DENND1A: variants seen among roughly 807,000 people sequenced by gnomAD.
DENND1A encodes the protein DENN domain containing 1A.
In DENND1A, 51 loss-of-function variants were observed where a neutral mutation model predicts 113.7. The ratio of observed to expected loss-of-function variants is 0.45; its 90% CI spans 0.36 to 0.57. The LOEUF (loss-of-function observed/expected upper bound fraction) is 0.57, where lower values mean the gene tolerates loss of function less well. Among genes scored for constraint, DENND1A ranks in the 20% least tolerant of loss-of-function variants. DENND1A has a pLI of 0.00. For missense variants in DENND1A, 1,258 were observed against 1,395.9 expected (o/e 0.90, Z 1.57); for synonymous variants, 565 against 570.8 (o/e 0.99, Z 0.14).
chr9:123,472,041 T>A (rs2049467879), intron 13 of DENND1A, among the ~76,000 whole-genome samples: 1 of 152,198 alleles, frequency 6.6e-6, no homozygotes, highest in African/African-American at 2.4e-5. Context: ...AACTACCTAC[T>A]TCCTATTGTG....
intron 12 of DENND1A, among the ~76,000 whole-genome samples, chr9:123,568,490 C>G (rs16926638): frequency 0.024 from 3,649 of 152,254 alleles, 97 homozygotes; most frequent in African/African-American, 0.074. Flanking sequence ...ATTTTAGCAT[C>G]GAAAAGAATC....
At chr9:123,678,998 G>A (rs1032711770) in intron 5 of DENND1A, among the ~76,000 whole-genome samples, 19 of 152,120 alleles carry the variant, frequency 1.2e-4, no homozygotes, top group Admixed American at 1.2e-3. Context: ...CAGATTAGAC[G>A]ACTCAGTAAA....
intron 12 of DENND1A, among the ~76,000 whole-genome samples, chr9:123,572,186 G>A (rs1428701180): frequency 6.6e-6 from 1 of 152,158 alleles, no homozygotes; most frequent in Non-Finnish European, 1.5e-5. Context: ...TAGCTTTATA[G>A]TTTTGCCTGT....
At chr9:123,910,308 C>A (rs889020577) in intron 1 of DENND1A, among the ~76,000 whole-genome samples, 3 of 152,042 alleles carry the variant, frequency 2.0e-5, no homozygotes, top group Non-Finnish European at 4.4e-5. Flanking sequence ...GAACAGAGTC[C>A]AGAAATACAA....
chr9:123,481,421 C>T (rs970135476), intron 13 of DENND1A, among the ~76,000 whole-genome samples: 4 of 152,216 alleles, frequency 2.6e-5, no homozygotes, highest in Admixed American at 2.0e-4. Context: ...CCAGGAAGGA[C>T]GCGTGCATTT....
chr9:123,870,164 T>C (rs78213718), intron 2 of DENND1A, among the ~76,000 whole-genome samples: 2,021 of 152,154 alleles, frequency 0.013, 50 homozygotes, highest in African/African-American at 0.047. Context: ...AGTTCATGAA[T>C]AAAACCACAT....
At position 123,401,137 on chromosome 9, in the gene DENND1A, A is replaced by G. The variant is rs116952768; in HGVS notation, c.1631+2265T>C. The G allele has an allele frequency of 6.4e-3, 982 of 153,252 alleles. 10 individuals carry two copies. Among genetic ancestry groups the G allele is most frequent in the Middle Eastern group, 0.017 (5 of 294 alleles). The allele number at this position is 153,252 out of a possible 1,614,324, so 9.5% of individuals were successfully genotyped here. ...CCAGCCTGGCTTCTCACATCTCCCA[A>G]TACAATGCCGACAGATTGGTGGAGC... is the stretch of plus-strand genomic sequence containing the variant. On this transcript the variant is annotated intron_variant, in intron 21 of 23. Transcript: ENST00000394215.
At chr9:123,896,935 A>G (rs976479475) in intron 1 of DENND1A, among the ~76,000 whole-genome samples, 10 of 152,356 alleles carry the variant, frequency 6.6e-5, no homozygotes, top group African/African-American at 2.4e-4. Flanking sequence ...GCTGTTTTTA[A>G]TACTCTAGCT....
chr9:123,727,777 C>T lies in DENND1A; in HGVS notation c.302+29926G>A, dbSNP rs867248112. On this transcript the variant is annotated intron_variant, in intron 5 of 23. Coordinates refer to ENST00000394215, the MANE Select transcript of DENND1A (RefSeq NM_001352964.2). ...ACAATACAGGTGTAGGAACTGTATG[C>T]CAAAAACCACAAAACACCAAAGAAA... 2.6e-5 allele frequency among the ~76,000 whole-genome samples: 4 copies of T among 151,866 alleles called. No individual in the cohort carries two copies. In the South Asian group the frequency reaches 8.3e-4, roughly 32 times the overall value.
chr9:123,629,642 G>C (rs1034807644), intron 10 of DENND1A, among the ~76,000 whole-genome samples: 1 of 152,136 alleles, frequency 6.6e-6, no homozygotes, highest in African/African-American at 2.4e-5. Flanking sequence ...AAGATGGTAG[G>C]GCTGTCGCCA....
intron 5 of DENND1A, among the ~76,000 whole-genome samples, chr9:123,726,709 G>T (rs999766257): frequency 6.6e-6 from 1 of 152,138 alleles, no homozygotes; most frequent in Non-Finnish European, 1.5e-5. Context: ...AGCAAGTGAA[G>T]AAAAGATCTT....
chr9:123,554,264 C>T (rs1020869985), intron 13 of DENND1A, among the ~76,000 whole-genome samples: 1 of 152,178 alleles, frequency 6.6e-6, no homozygotes, highest in Admixed American at 6.5e-5. Flanking sequence ...ACCCTGTTGC[C>T]CAGGCTGGAA....
chr9:123,801,374 T>C (rs1328696868), intron 2 of DENND1A, among the ~76,000 whole-genome samples: 1 of 152,252 alleles, frequency 6.6e-6, no homozygotes, highest in Non-Finnish European at 1.5e-5. Context: ...CTCTATGAAT[T>C]TGAATAGTCT....
intron 10 of DENND1A, among the ~76,000 whole-genome samples, chr9:123,626,603 T>TGCCCA (rs2061230501): frequency 6.6e-6 from 1 of 152,160 alleles, no homozygotes; most frequent in Non-Finnish European, 1.5e-5. Context: ...TGTCTGCCTC[T>TGCCCA]GCCCAGCCCT....
chr9:123,509,546 A>T (rs2053264901), intron 13 of DENND1A, among the ~76,000 whole-genome samples: 1 of 152,194 alleles, frequency 6.6e-6, no homozygotes. Context: ...TGGGTCACAG[A>T]TGGATGGCAC....
chr9:123,504,634 G>C (rs2052760379), intron 13 of DENND1A, among the ~76,000 whole-genome samples: 1 of 152,162 alleles, frequency 6.6e-6, no homozygotes, highest in Admixed American at 6.5e-5. Context: ...GAATCTGAGG[G>C]AGGCAGAGCC....
chr9:123,817,578 A>G (rs2132547854), intron 2 of DENND1A, among the ~76,000 whole-genome samples: 1 of 152,320 alleles, frequency 6.6e-6, no homozygotes, highest in Middle Eastern at 3.4e-3. Flanking sequence ...AACTTCCCTC[A>G]GAGACCTCAG....
intron 13 of DENND1A, among the ~76,000 whole-genome samples, chr9:123,557,041 C>A (rs764113882): frequency 6.6e-6 from 1 of 152,204 alleles, no homozygotes; most frequent in Non-Finnish European, 1.5e-5. Context: ...TACACCAAAA[C>A]CACTCTCAGG....
intron 12 of DENND1A, among the ~76,000 whole-genome samples, chr9:123,568,100 C>T (rs757648397): frequency 6.6e-6 from 1 of 152,212 alleles, no homozygotes; most frequent in Non-Finnish European, 1.5e-5. Flanking sequence ...GCAATGGCAG[C>T]ATGTCATAAA....
Sources: gnomAD v4.1 joint callset for allele counts (sites outside exome capture counted in the v4.1 genomes callset) on GRCh38, gnomAD v4.1.1 for gene constraint, MANE v1.5 for transcripts, NCBI Gene and HGNC (gene_info 2026-07-23, HGNC 2026-07-21) for gene names.